The following ITPK1 variants were observed in gnomAD, a reference collection of about 807,000 sequenced individuals.
ITPK1 encodes the protein inositol-tetrakisphosphate 1-kinase.
A neutral mutation model predicts 45.3 loss-of-function variants in ITPK1; 21 were observed. The ratio of observed to expected loss-of-function variants is 0.46; its 90% CI spans 0.33 to 0.67. The LOEUF (loss-of-function observed/expected upper bound fraction) is 0.67. Ranked by LOEUF, ITPK1 falls within the 30% of genes least tolerant of loss-of-function variation. The pLI is 0.02. For missense variants in ITPK1, 474 were observed against 573.5 expected, an observed-to-expected ratio of 0.83 and a Z score of 1.77; for synonymous variants, 258 against 253.6, an observed-to-expected ratio of 1.02 and a Z score of -0.16.
chr14:92,996,840 G>A lies in ITPK1; in HGVS notation c.247-2843C>T, dbSNP rs1001647839. ...TGACCTAGAGTCAAGAAACCCAGGC[G>A]CCCGATGTCGTCACCTCTCAGAGTC... On this transcript the variant is annotated intron_variant, in intron 4 of 10. Transcript: ENST00000267615. Among the ~76,000 whole-genome samples the A allele has an allele frequency of 2.6e-5, 4 of 152,104 alleles. No homozygotes were observed. In the South Asian group the frequency reaches 6.2e-4, roughly 24 times the overall value.
At chr14:93,098,866 C>A (rs896497488) in intron 2 of ITPK1, among the ~76,000 whole-genome samples, 7 of 152,146 alleles carry the variant, frequency 4.6e-5, no homozygotes, top group African/African-American at 1.7e-4. Flanking sequence ...AGCAGAGGCA[C>A]CCACAGCAGT....
intron 5 of ITPK1, among the ~76,000 whole-genome samples, chr14:92,988,258 T>C (rs1017528213): frequency 6.6e-6 from 1 of 152,066 alleles, no homozygotes; most frequent in African/African-American, 2.4e-5. Context: ...AGGCTGACAC[T>C]GGGGGAGGCA....
chr14:92,960,746 C>T (rs916981327), intron 7 of ITPK1, among the ~76,000 whole-genome samples: 1 of 152,206 alleles, frequency 6.6e-6, no homozygotes. Flanking sequence ...TGGTGGAAGG[C>T]GGGCAGGCAG....
At chr14:93,024,025 A>C (rs1888604478) in intron 3 of ITPK1, among the ~76,000 whole-genome samples, 1 of 152,150 alleles carries the variant, frequency 6.6e-6, no homozygotes, top group Non-Finnish European at 1.5e-5. Flanking sequence ...CCTGGGGGGA[A>C]AGTACGAATC....
Position 93,034,351 on chromosome 14 carries a change from G to A in ITPK1, c.121-17550C>T, listed in dbSNP as rs1748544531. On this transcript the variant is annotated intron_variant, in intron 3 of 10. Transcript: ENST00000267615. The surrounding 1 kb of genome is among the most constrained non-coding windows in gnomAD (Gnocchi z 4.1). ...GGCAAAGTGACTGGGCTCACAAAAT[G>A]CAAAAAGGCTCCTGAGTCTCTTGAT... Among the ~76,000 whole-genome samples, 1 of 151,172 alleles carries A rather than the reference G, an allele frequency of 6.6e-6. No homozygotes were observed. Among genetic ancestry groups the A allele is most frequent in the African/African-American group, 2.4e-5 (1 of 41,048 alleles).
Position 92,938,461 on chromosome 14 carries a change from A to C in ITPK1, c.*3100T>G. On this transcript the variant is annotated 3_prime_UTR_variant, in exon 11 of 11. Transcript: ENST00000267615. Reference sequence around the variant, plus strand: ...AACAGCTGCTTTGCTCAGTTGGCTCAAACATGTGACAGCTTCCTACTTCAG... The same window carrying C: ...AACAGCTGCTTTGCTCAGTTGGCTCCAACATGTGACAGCTTCCTACTTCAG... 6.2e-7 allele frequency: 1 copy of C among 1,606,782 alleles called. No homozygotes were observed. The highest frequency in any genetic ancestry group is 8.5e-7 in the Non-Finnish European group (1 of 1,173,338).
At position 92,966,692 on chromosome 14, in the gene ITPK1, T is replaced by G. The variant is rs184511322; in HGVS notation, c.365-3843A>C. ...GACTCACACTTCCTCAATACGAAAC[T>G]TACTACAAAGCTACAGTAATTGAGG... is the stretch of plus-strand genomic sequence containing the variant. On this transcript the variant is annotated intron_variant, in intron 5 of 10. Coordinates refer to ENST00000267615, the MANE Select transcript of ITPK1 (RefSeq NM_014216.6). 1.9e-3 allele frequency among the ~76,000 whole-genome samples: 288 copies of G among 152,276 alleles called. 3 individuals carry two copies. The highest frequency in any genetic ancestry group is 0.017 in the South Asian group (83 of 4,818).
chr14:93,013,979 A>G (rs564748175), intron 4 of ITPK1, among the ~76,000 whole-genome samples: 69 of 152,122 alleles, frequency 4.5e-4, no homozygotes, highest in Non-Finnish European at 6.8e-4. Context: ...CTCTGTGCCA[A>G]CCCTGCCTGC....
chr14:93,111,998 T>G (rs1011335276), intron 2 of ITPK1, among the ~76,000 whole-genome samples: 1 of 152,010 alleles, frequency 6.6e-6, no homozygotes, highest in East Asian at 1.9e-4. Context: ...TCATGGCCCA[T>G]GAAGTGGCTC....
chr14:93,075,188 G>A (rs913174276), intron 3 of ITPK1, among the ~76,000 whole-genome samples: 7 of 151,842 alleles, frequency 4.6e-5, no homozygotes, highest in African/African-American at 1.2e-4. Context: ...CCAGCTGGGT[G>A]TGGTGGCACA....
rs1887256675 is a variant in ITPK1, at chr14:92,939,639, A to G, written c.*1922T>C. 19 of 977,918 alleles carry G rather than the reference A, an allele frequency of 1.9e-5. No individual in the cohort carries two copies. The highest frequency in any genetic ancestry group is 2.2e-5 in the Non-Finnish European group (18 of 824,078). 60.6% of individuals were successfully genotyped at this position (977,918 alleles called of 1,614,324 possible). ...CCTATGGACGCCACCACGACACCAC[A>G]TGGCAGTTACTCGGTATCTGGGCCC... On this transcript the variant is annotated 3_prime_UTR_variant, in exon 11 of 11. Transcript: ENST00000267615.
Position 92,940,644 on chromosome 14 carries a change from A to G in ITPK1, c.*917T>C. The stretch of plus-strand genomic sequence containing the variant: ...CACCTAGGTGACTTTATGGAAAGGC[A>G]GGCTGCATCCCAGGGGTTAGGGCAC... On this transcript the variant is annotated 3_prime_UTR_variant, in exon 11 of 11. Transcript: ENST00000267615. The G allele has an allele frequency of 8.1e-7, 1 of 1,236,896 alleles. No homozygotes were observed. The highest frequency in any genetic ancestry group is 1.0e-6 in the Non-Finnish European group (1 of 963,120). The allele number at this position is 1,236,896 out of a possible 1,614,324, so 76.6% of individuals were successfully genotyped here.
rs2180370 is a variant in ITPK1, at chr14:93,034,529, A to C, written c.121-17728T>G. Among the ~76,000 whole-genome samples the C allele has an allele frequency of 0.027, 4,147 of 152,168 alleles. 97 individuals are homozygous for C. The highest frequency in any genetic ancestry group is 0.085 in the Admixed American group (1,303 of 15,304). On this transcript the variant is annotated intron_variant, in intron 3 of 10. Coordinates refer to ENST00000267615, the MANE Select transcript of ITPK1 (RefSeq NM_014216.6). This position sits in a 1 kb window ranked among gnomAD's most constrained non-coding sequence, Gnocchi z 4.1. The stretch of plus-strand genomic sequence containing the variant: ...GCGGGCTCCACCACAGCTGGCCCCC[A>C]CTGGGCTGGGAGATCTGTCTGCTCT...
rs763078382 is a variant in ITPK1 at position 92,958,421 on chromosome 14, C to T, written c.505-55G>A. 2.0e-4 allele frequency: 313 copies of T among 1,573,976 alleles called. No homozygotes were observed. Among genetic ancestry groups the T allele is most frequent in the Non-Finnish European group, 2.6e-4 (298 of 1,147,364 alleles). On this transcript the variant is annotated intron_variant, in intron 7 of 10. Coordinates refer to ENST00000267615, the MANE Select transcript of ITPK1 (RefSeq NM_014216.6). The surrounding 1 kb of genome is among the most constrained non-coding windows in gnomAD (Gnocchi z 4.4). The stretch of plus-strand genomic sequence containing the variant: ...CAGAATCCACCACCTTCTCAGCCTC[C>T]AACACACAGGTGTGTCACCTGTCCA...
intron 8 of ITPK1, among the ~76,000 whole-genome samples, chr14:92,952,266 C>T (rs895047200): frequency 6.6e-6 from 1 of 152,228 alleles, no homozygotes; most frequent in African/African-American, 2.4e-5. Context: ...CATCTCACAG[C>T]ATCACATCTG....
chr14:93,025,559 G>A (rs966165926), intron 3 of ITPK1, among the ~76,000 whole-genome samples: 2 of 152,090 alleles, frequency 1.3e-5, no homozygotes, highest in Non-Finnish European at 2.9e-5. Flanking sequence ...CTCCGGATGA[G>A]CACTCCAGTG....
chr14:93,068,858 C>T (rs1890869139), intron 3 of ITPK1: 1 of 152,246 alleles, frequency 6.6e-6, no homozygotes, highest in Admixed American at 6.5e-5. Context: ...CCACGTGAGT[C>T]CCCTCTGGCT....
chr14:93,046,167 G>A (rs919703900), intron 3 of ITPK1, among the ~76,000 whole-genome samples: 3 of 152,248 alleles, frequency 2.0e-5, no homozygotes, highest in South Asian at 2.1e-4. Flanking sequence ...TGACCTCATC[G>A]CCCAGGCTGA....
chr14:93,053,673 G>A (rs925628183), intron 3 of ITPK1, among the ~76,000 whole-genome samples: 1 of 152,218 alleles, frequency 6.6e-6, no homozygotes, highest in Non-Finnish European at 1.5e-5. Context: ...GAGGTTCACT[G>A]ATTGTAGCAA....
Sources: gnomAD v4.1 joint callset for allele counts (sites outside exome capture counted in the v4.1 genomes callset) on GRCh38, gnomAD v4.1.1 for gene constraint, Gnocchi (gnomAD v3.1) non-coding constraint, MANE v1.5 for transcripts, NCBI Gene and HGNC (gene_info 2026-07-23, HGNC 2026-07-21) for gene names.